HELZ: variants seen among roughly 807,000 people sequenced by gnomAD.
The protein encoded by HELZ is helicase with zinc finger.
Under a neutral mutation model 218.2 loss-of-function variants are expected in HELZ, and 23 were observed. The observed-to-expected ratio is 0.11, with a 90% CI of 0.08 to 0.15. The LOEUF (loss-of-function observed/expected upper bound fraction) is 0.15, where lower values mean the gene tolerates loss of function less well. HELZ is among the 10% of genes least tolerant of loss of function. The pLI, the probability that HELZ is intolerant of heterozygous loss-of-function variation, is 1.00. For synonymous variants in HELZ, 814 were observed against 829.4 expected (o/e 0.98, Z 0.32); for missense variants, 1,813 against 2,353.7 (o/e 0.77, Z 4.75).
intron 14 of HELZ, 93 bp from the exon 15 acceptor site, chr17:67,166,701 A>G: frequency 9.5e-7 from 1 of 1,052,048 alleles, no homozygotes; most frequent in African/African-American, 1.6e-5. Flanking sequence ...TCTGTTTGGG[A>G]CAGTAAGTTT....
intron 31 of HELZ, among the ~76,000 whole-genome samples, chr17:67,104,432 C>A (rs1355976836): frequency 1.5e-5 from 2 of 136,466 alleles, no homozygotes; most frequent in Non-Finnish European, 3.2e-5. Context: ...GAGCGAGACG[C>A]CATTTCAAAA....
intron 24 of HELZ, among the ~76,000 whole-genome samples, chr17:67,127,115 C>T (rs574313250): frequency 6.6e-6 from 1 of 152,276 alleles, no homozygotes; most frequent in African/African-American, 2.4e-5. Flanking sequence ...CATGTTTCCC[C>T]AATCTCCCAC....
intron 20 of HELZ, 115 bp downstream of exon 20, chr17:67,148,454 G>A: frequency 2.6e-6 from 2 of 775,588 alleles, no homozygotes; most frequent in Non-Finnish European, 4.0e-6. Context: ...GCAAGACTAG[G>A]GACACTATGT....
chr17:67,204,403 G>A (rs9303516), intron 5 of HELZ, among the ~76,000 whole-genome samples: 91,189 of 151,920 alleles, frequency 0.6, 28,671 homozygotes, highest in East Asian at 0.88. Context: ...TCTGATCAAT[G>A]TTCACAACAT....
At position 67,160,989 on chromosome 17, in the gene HELZ, C is replaced by A; in HGVS notation, c.1983G>T (p.Leu661=). ...LAITTPLAIQ[L]PPVLIIGPYG... is the part of the protein sequence containing the mutation. ...AGGGTCCGATGATAAGCACAGGCGG[C>A]AGCTGGATTGCAAGTGGAGTGGTAA... is the stretch of plus-strand genomic sequence containing the variant. The change falls in exon 16 of 33, where the codon CTG becomes CTT. Residue 661 remains leucine (L), a synonymous_variant. Coordinates refer to ENST00000358691, the MANE Select transcript of HELZ (RefSeq NM_014877.4). 6 of 1,613,846 alleles carry A rather than the reference C, an allele frequency of 3.7e-6. No homozygotes were observed. The highest frequency in any genetic ancestry group is 5.1e-6 in the Non-Finnish European group (6 of 1,179,834).
At chr17:67,210,575 A>G (rs1186818822) in intron 5 of HELZ, among the ~76,000 whole-genome samples, 2 of 152,220 alleles carry the variant, frequency 1.3e-5, no homozygotes, top group Admixed American at 6.5e-5. Flanking sequence ...CTCTTAGTTG[A>G]TAAGATTACG....
At chr17:67,244,402 G>A (rs62074269) in intron 1 of HELZ, among the ~76,000 whole-genome samples, 1,729 of 152,318 alleles carry the variant, frequency 0.011, 14 homozygotes, top group Non-Finnish European at 0.018. Context: ...CAGCAAAGGC[G>A]AGGGTGCAGA....
chr17:67,173,103 A>C (rs1167707550), intron 13 of HELZ: 2 of 891,496 alleles, frequency 2.2e-6, no homozygotes, highest in Admixed American at 6.2e-5. Flanking sequence ...AAAATAAAAT[A>C]AAAGTCCTAA....
chr17:67,233,357 A>C (rs965320711), intron 3 of HELZ, among the ~76,000 whole-genome samples: 3 of 152,146 alleles, frequency 2.0e-5, no homozygotes, highest in Non-Finnish European at 4.4e-5. Context: ...TGTCTCAAAA[A>C]ATTTAAAAAT....
intron 13 of HELZ, among the ~76,000 whole-genome samples, chr17:67,169,058 A>C (rs2039234656): frequency 6.6e-6 from 1 of 151,986 alleles, no homozygotes; most frequent in African/African-American, 2.4e-5. Context: ...ACATCACTGC[A>C]CTCCAGCCTG....
At chr17:67,215,877 C>T (rs760771927) in intron 5 of HELZ, 22 bp downstream of exon 5, 6 of 1,479,994 alleles carry the variant, frequency 4.1e-6, no homozygotes, top group South Asian at 1.2e-5. Flanking sequence ...TTCAATAATT[C>T]GAGTCTCATT....
intron 3 of HELZ, among the ~76,000 whole-genome samples, chr17:67,221,642 G>A (rs1397541453): frequency 6.6e-6 from 1 of 152,110 alleles, no homozygotes; most frequent in East Asian, 1.9e-4. Context: ...ATTTCAACTT[G>A]CTCACCTCTA....
At chr17:67,133,775 A>G (rs573510409) in intron 23 of HELZ, among the ~76,000 whole-genome samples, 1 of 152,326 alleles carries the variant, frequency 6.6e-6, no homozygotes, top group South Asian at 2.1e-4. Flanking sequence ...AGGGCCTCTC[A>G]GAGTGCTGGG....
At chr17:67,141,842 G>A (rs1200717224) in intron 21 of HELZ, among the ~76,000 whole-genome samples, 1 of 152,096 alleles carries the variant, frequency 6.6e-6, no homozygotes, top group African/African-American at 2.4e-5. Flanking sequence ...GTAGGAGTTT[G>A]AGACCAGCCT....
At chr17:67,227,441 C>G (rs900933491) in intron 3 of HELZ, among the ~76,000 whole-genome samples, 1 of 152,132 alleles carries the variant, frequency 6.6e-6, no homozygotes, top group Non-Finnish European at 1.5e-5. Context: ...CCCACCTCGG[C>G]CTCCCAAAGT....
intron 27 of HELZ, among the ~76,000 whole-genome samples, chr17:67,119,821 C>CT (rs1033530797): frequency 6.6e-6 from 1 of 151,752 alleles, no homozygotes; most frequent in Non-Finnish European, 1.5e-5. Flanking sequence ...TTAAAGTACT[C>CT]TAAATATTCA....
chr17:67,128,559 C>A, intron 24 of HELZ, 92 bp downstream of exon 24: 2 of 1,131,722 alleles, frequency 1.8e-6, no homozygotes, highest in South Asian at 1.3e-5. Context: ...TCAATTCCAA[C>A]ACTTAAAGTA....
chr17:67,174,742 G>A (rs1363218309), intron 13 of HELZ, among the ~76,000 whole-genome samples: 2 of 152,094 alleles, frequency 1.3e-5, no homozygotes, highest in Non-Finnish European at 2.9e-5. Context: ...AGGTTCTGGT[G>A]AGCGAGACTG....
chr17:67,121,798 T>C (rs1366767333), intron 26 of HELZ, among the ~76,000 whole-genome samples: 2 of 152,226 alleles, frequency 1.3e-5, no homozygotes, highest in African/African-American at 4.8e-5. Context: ...GATAGAGTAA[T>C]GTTTTTAAGT....
Sources: gnomAD v4.1 joint callset for allele counts (sites outside exome capture counted in the v4.1 genomes callset) on GRCh38, gnomAD v4.1.1 for gene constraint, MANE v1.5 for transcripts, NCBI Gene and HGNC (gene_info 2026-07-23, HGNC 2026-07-21) for gene names.